ZEB2: variants seen among roughly 807,000 people sequenced by gnomAD.
ZEB2 encodes zinc finger E-box binding homeobox 2, also known as zinc finger E-box-binding homeobox 2.
Under a neutral mutation model 99.9 loss-of-function variants are expected in ZEB2, and 6 were observed. The observed-to-expected ratio is 0.06, with a 90% confidence interval of 0.03 to 0.12. The LOEUF (loss-of-function observed/expected upper bound fraction) is 0.12, where lower values mean the gene tolerates loss of function less well. Among genes scored for constraint, ZEB2 ranks in the 10% least tolerant of loss-of-function variants. The probability of loss-of-function intolerance (pLI) is 1.00; values close to 1 mark genes in which losing one functional copy is unlikely to be tolerated. For synonymous variants in ZEB2, 517 were observed against 542.5 expected, an observed-to-expected ratio of 0.95 and a Z score of 0.65; for missense variants, 969 against 1,502.8, an observed-to-expected ratio of 0.64 and a Z score of 5.87.
intron 2 of ZEB2, chr2:144,450,366 C>A (rs1263501249): frequency 6.6e-6 from 1 of 152,196 alleles, no homozygotes; most frequent in Non-Finnish European, 1.5e-5. Context: ...ACAAAAGGTA[C>A]ATACTGAATG....
rs984169260 is a variant in ZEB2, at chr2:144,472,054, A to G, written c.74-42028T>C. Among the ~76,000 whole-genome samples the G allele has an allele frequency of 2.0e-5, 3 of 152,132 alleles. 1 individual carries two copies. Among genetic ancestry groups the G allele is most frequent in the Admixed American group, 1.3e-4 (2 of 15,250 alleles). ...GAAAAATAAATCTCATGCATACTGCACAATATATGTTCTTATGCATAACAT... is the reference window on the plus strand; with the variant it reads ...GAAAAATAAATCTCATGCATACTGCGCAATATATGTTCTTATGCATAACAT... On this transcript the variant is annotated intron_variant, in intron 2 of 9. Coordinates refer to ENST00000627532, the MANE Select transcript of ZEB2 (RefSeq NM_014795.4).
chr2:144,508,187 G>A (rs1281769254), intron 2 of ZEB2, among the ~76,000 whole-genome samples: 1 of 152,150 alleles, frequency 6.6e-6, no homozygotes, highest in African/African-American at 2.4e-5. Flanking sequence ...GGCGCTGCCC[G>A]GGCCCCCGAG....
chr2:144,517,422 A>G lies in ZEB2; in HGVS notation c.-69-3T>C. On this transcript the variant is annotated splice_polypyrimidine_tract_variant and splice_region_variant and intron_variant, in intron 1 of 9. Coordinates refer to ENST00000627532, the MANE Select transcript of ZEB2 (RefSeq NM_014795.4). Reference sequence around the variant, plus strand: ...CTTCGGCAGCACGCAGGCTCGATCTAGCAACCAAACACAGCGACAATGTGG... The same window carrying G: ...CTTCGGCAGCACGCAGGCTCGATCTGGCAACCAAACACAGCGACAATGTGG... The G allele has an allele frequency of 6.3e-7, 1 of 1,576,300 alleles. No homozygotes were observed. The highest frequency in any genetic ancestry group is 1.1e-5 in the South Asian group (1 of 90,276).
intron 2 of ZEB2, among the ~76,000 whole-genome samples, chr2:144,459,556 GT>G (rs1220576544): frequency 6.6e-6 from 1 of 152,054 alleles, no homozygotes; most frequent in Non-Finnish European, 1.5e-5. Flanking sequence ...TAATCAGAAA[GT>G]TTTGAGGGTT....
chr2:144,430,635 A>T (rs772501981), intron 2 of ZEB2: 7 of 172,134 alleles, frequency 4.1e-5, no homozygotes, highest in Non-Finnish European at 9.9e-5. Flanking sequence ...AGGAAAAGCC[A>T]TATCTTCTGG....
In ZEB2 at chr2:144,399,769, C is replaced by T. The variant is rs1158068939; in HGVS notation, c.1418G>A (p.Arg473Lys). 6.2e-7 allele frequency: 1 copy of T among 1,613,240 alleles called. No individual in the cohort carries two copies. Among genetic ancestry groups the T allele is most frequent in the African/African-American group, 1.3e-5 (1 of 74,900 alleles). Residue 473 changes from arginine to lysine, a missense_variant, in exon 8 of 10, where the codon AGG becomes AAG. Physicochemically the swap from Arg to Lys is conservative, Grantham distance 26 (BLOSUM62 2). This residue lies in a region of ZEB2 where 227 missense variants were observed against 278.2 expected (regional missense o/e 0.82). Coordinates refer to ENST00000627532, the MANE Select transcript of ZEB2 (RefSeq NM_014795.4). The surrounding 1 kb of genome is among the most constrained non-coding windows in gnomAD (Gnocchi z 5.6). ...TTCAGCCTTGCAGTCCATTTTTTGC[C>T]TGGAAACAGTATTGTCCACAATCTG... is the stretch of plus-strand genomic sequence containing the variant. ...VLQIVDNTVS[R>K]QKMDCKAEEI...
rs1703303712 is a variant in ZEB2 at position 144,401,092 on chromosome 2, T to C, written c.916+107A>G. The C allele has an allele frequency of 4.0e-6, 4 of 990,492 alleles. No homozygotes were observed. The Admixed American group carries it at 5.6e-5, about 14-fold the overall frequency. The allele number at this position is 990,492 out of a possible 1,614,324, so 61.4% of individuals were successfully genotyped here. On this transcript the variant is annotated intron_variant, in intron 7 of 9. Coordinates refer to ENST00000627532, the MANE Select transcript of ZEB2 (RefSeq NM_014795.4). The stretch of plus-strand genomic sequence containing the variant: ...ACACAGAGTTGATGAAATAAATAGA[T>C]AGTTCCAAAAAGCTACAAATAGGAC...
At chr2:144,484,108 C>G (rs1236178921) in intron 2 of ZEB2, among the ~76,000 whole-genome samples, 1 of 151,688 alleles carries the variant, frequency 6.6e-6, no homozygotes, top group Admixed American at 6.6e-5. Context: ...GTTGTTCCCA[C>G]ATGGTCTTTC....
intron 3 of ZEB2, among the ~76,000 whole-genome samples, chr2:144,425,819 A>G (rs1703684521): frequency 1.3e-5 from 2 of 152,118 alleles, no homozygotes; most frequent in African/African-American, 4.8e-5. Context: ...TACTAATGAG[A>G]CCAAATATGC....
At chr2:144,400,609 G>C (rs1024436876) in intron 7 of ZEB2, among the ~76,000 whole-genome samples, 2 of 152,188 alleles carry the variant, frequency 1.3e-5, no homozygotes, top group African/African-American at 4.8e-5. Context: ...AGTATTTAAA[G>C]GCAAGTGTAG....
intron 2 of ZEB2, chr2:144,513,345 T>C (rs1560658404): frequency 4.6e-6 from 6 of 1,308,922 alleles, no homozygotes; most frequent in Non-Finnish European, 5.0e-6. Flanking sequence ...CCCTGTTCTT[T>C]GCCACTGAAG....
chr2:144,444,285 T>A (rs1456993410), intron 2 of ZEB2, among the ~76,000 whole-genome samples: 2 of 152,338 alleles, frequency 1.3e-5, no homozygotes, highest in East Asian at 3.9e-4. Context: ...TGAGGCCCTT[T>A]AGAATACTAT....
intron 4 of ZEB2, among the ~76,000 whole-genome samples, chr2:144,413,086 A>C (rs1398200001): frequency 6.6e-6 from 1 of 152,190 alleles, no homozygotes; most frequent in Non-Finnish European, 1.5e-5. Context: ...CCAGAATTCC[A>C]TAATTTCAAT....
chr2:144,455,804 G>A (rs1306344488), intron 2 of ZEB2, among the ~76,000 whole-genome samples: 5 of 151,898 alleles, frequency 3.3e-5, no homozygotes, highest in South Asian at 2.1e-4. Flanking sequence ...GTACAGGATC[G>A]TTGGAAATGG....
At chr2:144,438,869 T>C (rs1703870486) in intron 2 of ZEB2, among the ~76,000 whole-genome samples, 1 of 152,094 alleles carries the variant, frequency 6.6e-6, no homozygotes, top group African/African-American at 2.4e-5. Flanking sequence ...AGGACCCTGT[T>C]TTCAAAACAG....
chr2:144,415,555 CA>C (rs1173463634), intron 4 of ZEB2, among the ~76,000 whole-genome samples: 19 of 152,216 alleles, frequency 1.2e-4, no homozygotes, highest in African/African-American at 4.1e-4. Context: ...CCATCCCTTA[CA>C]GACCTTTTCC....
At chr2:144,483,148 A>ACACG (rs1553968384) in intron 2 of ZEB2, among the ~76,000 whole-genome samples, 21 of 144,006 alleles carry the variant, frequency 1.5e-4, no homozygotes, top group Non-Finnish European at 2.0e-4. Context: ...ACACACACAC[A>ACACG]CACACACACA....
chr2:144,453,701 CT>C (rs1704083577), intron 2 of ZEB2, among the ~76,000 whole-genome samples: 1 of 152,172 alleles, frequency 6.6e-6, no homozygotes, highest in African/African-American at 2.4e-5. Flanking sequence ...CCGGCACCCC[CT>C]CACCCCTTTT....
At chr2:144,459,995 A>C (rs1032857898) in intron 2 of ZEB2, among the ~76,000 whole-genome samples, 3 of 152,168 alleles carry the variant, frequency 2.0e-5, no homozygotes, top group African/African-American at 7.2e-5. Flanking sequence ...ATATGAAGAA[A>C]GGTTACCCTC....
Sources: gnomAD v4.1 joint callset for allele counts (sites outside exome capture counted in the v4.1 genomes callset) on GRCh38, gnomAD v4.1.1 for gene constraint, gnomAD v4.1.1 regional missense constraint, Gnocchi (gnomAD v3.1) non-coding constraint, MANE v1.5 for transcripts, NCBI Gene and HGNC (gene_info 2026-07-23, HGNC 2026-07-21) for gene names.